APBB2: variants seen among roughly 807,000 people sequenced by gnomAD.
APBB2 encodes the protein amyloid beta precursor protein binding family B member 2.
A neutral mutation model predicts 82.5 loss-of-function variants in APBB2; 38 were observed. That is an observed-to-expected ratio of 0.46 (90% CI 0.36 to 0.60). APBB2 has a LOEUF of 0.60. APBB2 is among the 20% of genes least tolerant of loss of function. The pLI, the probability that APBB2 is intolerant of heterozygous loss-of-function variation, is 0.00. For missense variants in APBB2, 772 were observed against 972.3 expected, an observed-to-expected ratio of 0.79 and a Z score of 2.74; for synonymous variants, 341 against 368.2, an observed-to-expected ratio of 0.93 and a Z score of 0.85.
intron 12 of APBB2, among the ~76,000 whole-genome samples, chr4:40,842,898 C>T (rs758272335): frequency 2.1e-4 from 30 of 143,846 alleles, no homozygotes; most frequent in Non-Finnish European, 3.6e-4. Context: ...AGGTCAAGGG[C>T]GGGTGGGAAG....
chr4:41,079,989 A>G (rs1392332443), intron 3 of APBB2, among the ~76,000 whole-genome samples: 1 of 152,200 alleles, frequency 6.6e-6, no homozygotes, highest in Non-Finnish European at 1.5e-5. Flanking sequence ...GTGTGGCCAG[A>G]GACATGCTCA....
intron 6 of APBB2, among the ~76,000 whole-genome samples, chr4:40,979,943 C>T (rs939975402): frequency 1.3e-5 from 2 of 152,172 alleles, no homozygotes; most frequent in Non-Finnish European, 2.9e-5. Context: ...ATTTGTTATG[C>T]GGCAATAGAA....
intron 2 of APBB2, among the ~76,000 whole-genome samples, chr4:41,140,082 T>C (rs1192772837): frequency 6.6e-6 from 1 of 152,114 alleles, no homozygotes; most frequent in Non-Finnish European, 1.5e-5. Flanking sequence ...GAAAACTCTA[T>C]CATTAAAAAG....
At chr4:41,041,675 C>T (rs979526336) in intron 4 of APBB2, among the ~76,000 whole-genome samples, 2 of 152,116 alleles carry the variant, frequency 1.3e-5, no homozygotes, top group African/African-American at 2.4e-5. Context: ...TTATCTTTCG[C>T]AAAAATACTT....
rs192794896 is a variant in APBB2, at chr4:40,964,787, T to C, written c.836-19714A>G. Among the ~76,000 whole-genome samples the C allele has an allele frequency of 1.9e-3, 23 of 12,428 alleles. No individual in the cohort carries two copies. In the East Asian group the frequency reaches 0.028, roughly 15 times the overall value. 8.2% of individuals were successfully genotyped at this position (12,428 alleles called of 152,430 possible). On this transcript the variant is annotated intron_variant, in intron 6 of 17. Transcript: ENST00000508593. ...ACACACACACACACAACAATGCACA[T>C]TGCAAGTATAGTTTTGAACAAAAAG... is the stretch of plus-strand genomic sequence containing the variant.
chr4:41,180,502 T>C (rs1446755869), intron 1 of APBB2, among the ~76,000 whole-genome samples: 2 of 152,054 alleles, frequency 1.3e-5, no homozygotes, highest in Non-Finnish European at 1.5e-5. Context: ...ATAGTGGTGG[T>C]ACATGCGTGT....
At chr4:41,070,196 G>A (rs1464819453) in intron 3 of APBB2, among the ~76,000 whole-genome samples, 1 of 152,030 alleles carries the variant, frequency 6.6e-6, no homozygotes, top group Non-Finnish European at 1.5e-5. Context: ...ATTCACCTTG[G>A]TTGCAGGTCT....
At chr4:40,856,429 C>A (rs1385755937) in intron 12 of APBB2, among the ~76,000 whole-genome samples, 5 of 152,232 alleles carry the variant, frequency 3.3e-5, no homozygotes, top group Non-Finnish European at 5.9e-5. Context: ...GAGCTGGCTG[C>A]GTTTCTACAT....
intron 10 of APBB2, among the ~76,000 whole-genome samples, chr4:40,907,550 T>A (rs1777346737): frequency 6.6e-6 from 1 of 151,298 alleles, no homozygotes; most frequent in Non-Finnish European, 1.5e-5. Flanking sequence ...TTTGTATTTT[T>A]AGTAGAGATG....
chr4:41,184,979 G>A (rs527333299), intron 1 of APBB2, among the ~76,000 whole-genome samples: 14 of 152,274 alleles, frequency 9.2e-5, no homozygotes, highest in East Asian at 3.9e-4. Flanking sequence ...CCATTTCAGC[G>A]TCCGCCTGTG....
intron 6 of APBB2, among the ~76,000 whole-genome samples, chr4:40,984,670 T>C (rs1475264378): frequency 2.0e-5 from 3 of 152,122 alleles, no homozygotes; most frequent in African/African-American, 4.8e-5. Flanking sequence ...AGCTAACAAG[T>C]AGCAAAGGGG....
At chr4:41,063,950 ATTTT>A (rs11422110) in intron 4 of APBB2, among the ~76,000 whole-genome samples, 4 of 91,794 alleles carry the variant, frequency 4.4e-5, no homozygotes, top group African/African-American at 1.4e-4. Flanking sequence ...AAATGCTGGG[ATTTT>A]TTTTTTTTTT....
chr4:40,858,776 C>G (rs1419183336), intron 12 of APBB2, among the ~76,000 whole-genome samples: 1 of 152,166 alleles, frequency 6.6e-6, no homozygotes, highest in Non-Finnish European at 1.5e-5. Context: ...TAACAGTTGT[C>G]TTTCTAGGGA....
At chr4:40,869,468 A>T (rs1340740859) in intron 12 of APBB2, among the ~76,000 whole-genome samples, 1 of 151,854 alleles carries the variant, frequency 6.6e-6, no homozygotes, top group African/African-American at 2.4e-5. Flanking sequence ...TGTGCCTGTA[A>T]TCCCAGCTAC....
In APBB2 at chr4:40,826,145, G is replaced by A; in HGVS notation, c.1733-175C>T. ...AGAGCAGCATTACTCCAGATATTGGGGCTCTGTTAAAATCCTGTTCAACTT... is the reference window on the plus strand; with the variant it reads ...AGAGCAGCATTACTCCAGATATTGGAGCTCTGTTAAAATCCTGTTCAACTT... On this transcript the variant is annotated intron_variant, in intron 14 of 17. Coordinates refer to ENST00000508593, the MANE Select transcript of APBB2 (RefSeq NM_004307.2). This position sits in a 1 kb window ranked among gnomAD's most constrained non-coding sequence, Gnocchi z 4.5. 1 of 599,174 alleles carries A rather than the reference G, an allele frequency of 1.7e-6. No homozygotes were observed. The highest frequency in any genetic ancestry group is 3.0e-6 in the Non-Finnish European group (1 of 329,812). The allele number at this position is 599,174 out of a possible 1,614,324, so 37.1% of individuals were successfully genotyped here.
In APBB2 at chr4:40,811,860, T is replaced by TAAC. The variant is rs373148524; in HGVS notation, c.*4229_*4231dup. 5.9e-5 allele frequency: 9 copies of TAAC among 152,340 alleles called. No homozygotes were observed. The highest frequency in any genetic ancestry group is 1.9e-4 in the African/African-American group (8 of 41,570). The allele number at this position is 152,340 out of a possible 1,614,324, so 9.4% of individuals were successfully genotyped here. On this transcript the variant is annotated 3_prime_UTR_variant, in exon 18 of 18. Coordinates refer to ENST00000508593, the MANE Select transcript of APBB2 (RefSeq NM_004307.2). ...TTCTGTTTATCTGCCTTCCTGCGCC[T>TAAC]AACAGTTAAGCTAAACCAGATTCAA...
chr4:41,031,863 T>C (rs1027791832), intron 5 of APBB2, among the ~76,000 whole-genome samples: 7 of 152,208 alleles, frequency 4.6e-5, no homozygotes, highest in Non-Finnish European at 1.0e-4. Context: ...TTTTGATTTT[T>C]CCAAAATTCA....
Position 40,829,216 on chromosome 4 carries a change from C to T in APBB2, c.1644+1247G>A, listed in dbSNP as rs117801507. On this transcript the variant is annotated intron_variant, in intron 13 of 17. Transcript: ENST00000508593. Reference sequence around the variant, plus strand: ...GAGCACCACAATAGTGTGTCCTTGGCGGTCAAAGGACAGAGCAGCCCCTGG... The same window carrying T: ...GAGCACCACAATAGTGTGTCCTTGGTGGTCAAAGGACAGAGCAGCCCCTGG... Among the ~76,000 whole-genome samples the T allele has an allele frequency of 5.3e-4, 81 of 152,192 alleles. No homozygotes were observed. The East Asian group carries it at 0.012, about 22-fold the overall frequency.
At chr4:40,935,051 G>C in intron 8 of APBB2, 26 bp downstream of exon 8, 1 of 1,492,244 alleles carries the variant, frequency 6.7e-7, no homozygotes, top group Non-Finnish European at 9.0e-7. Context: ...AATATTAAAT[G>C]ATCTAAGATC....
Sources: allele counts gnomAD v4.1 joint callset (sites outside exome capture counted in the v4.1 genomes callset), GRCh38; gene constraint gnomAD v4.1.1; non-coding constraint Gnocchi (gnomAD v3.1); transcripts MANE v1.5; gene names NCBI Gene and HGNC (gene_info 2026-07-23, HGNC 2026-07-21).